MYO5B: variants seen among roughly 807,000 people sequenced by gnomAD.
The protein encoded by MYO5B is unconventional myosin-Vb.
A neutral mutation model predicts 229.3 loss-of-function variants in MYO5B; 143 were observed. The observed-to-expected ratio is 0.62, with a 90% confidence interval of 0.54 to 0.72. MYO5B has a LOEUF of 0.72. Ranked by LOEUF, MYO5B falls within the 30% of genes least tolerant of loss-of-function variation. The pLI is 0.00. For synonymous variants in MYO5B, 918 were observed against 885.2 expected (o/e 1.04, Z -0.66); for missense variants, 2,321 against 2,331.0 (o/e 1.00, Z 0.09).
At chr18:50,035,538 A>G (rs796120713) in intron 4 of MYO5B, among the ~76,000 whole-genome samples, 4 of 152,300 alleles carry the variant, frequency 2.6e-5, no homozygotes, top group African/African-American at 7.2e-5. Flanking sequence ...GCGGCCTCCA[A>G]CAGAAACTCA....
At chr18:50,176,481 A>G (rs556910773) in intron 1 of MYO5B, among the ~76,000 whole-genome samples, 1 of 152,308 alleles carries the variant, frequency 6.6e-6, no homozygotes, top group East Asian at 1.9e-4. Context: ...TGCATCCATG[A>G]GCCAGATGTA....
At chr18:49,856,944 C>T in intron 29 of MYO5B, 54 bp from the exon 30 acceptor site, 1 of 1,467,044 alleles carries the variant, frequency 6.8e-7, no homozygotes. Context: ...AAGAGACAGG[C>T]AGGCAGGGAG....
At chr18:49,891,234 G>A (rs1435367255) in intron 22 of MYO5B, among the ~76,000 whole-genome samples, 7 of 152,020 alleles carry the variant, frequency 4.6e-5, no homozygotes, top group Non-Finnish European at 7.4e-5. Context: ...TCCCCAAATC[G>A]CCTTGGCTTA....
In MYO5B at chr18:49,841,428, C is replaced by T. The variant is rs748616963; in HGVS notation, c.4638G>A (p.Thr1546=). 9.0e-5 allele frequency: 146 copies of T among 1,614,058 alleles called. No individual in the cohort carries two copies. The highest frequency in any genetic ancestry group is 2.0e-4 in the East Asian group (9 of 44,902). ...LKKHNDDFEM[T]SFWLSNTCRL... is the part of the protein sequence containing the mutation. ...GGCAGGTGTTGGATAACCAGAATGACGTCATCTCAAAGTCATCATTGTGCT... is the reference window on the plus strand; with the variant it reads ...GGCAGGTGTTGGATAACCAGAATGATGTCATCTCAAAGTCATCATTGTGCT... The change falls in exon 35 of 40, where the codon ACG becomes ACA. Residue 1546 remains threonine (T), a synonymous_variant. Coordinates refer to ENST00000285039, the MANE Select transcript of MYO5B (RefSeq NM_001080467.3).
chr18:49,981,840 T>C (rs969939528), intron 8 of MYO5B, among the ~76,000 whole-genome samples: 5 of 152,308 alleles, frequency 3.3e-5, no homozygotes, highest in Admixed American at 6.5e-5. Flanking sequence ...TGGTTCAGCA[T>C]AACTGAATAC....
At position 49,953,278 on chromosome 18, in the gene MYO5B, A is replaced by G; in HGVS notation, c.1734T>C (p.Asn578=). 1.2e-6 allele frequency: 2 copies of G among 1,614,146 alleles called. No individual in the cohort carries two copies. Among genetic ancestry groups the G allele is most frequent in the East Asian group, 4.5e-5 (2 of 44,876 alleles). ...TCTTTACCTTGCTGGCCTTCAGGAT[A>G]TTGATCTGCTCTTCATACACCGTGT... is the stretch of plus-strand genomic sequence containing the variant. The part of the protein sequence containing the change: ...NRDTVYEEQI[N]ILKASKFPLV... Residue 578 remains asparagine (N), a synonymous_variant, in exon 14 of 40, where the codon AAT becomes AAC. Transcript: ENST00000285039.
chr18:49,962,426 C>T lies in MYO5B; in HGVS notation c.1405-20G>A, dbSNP rs1331099580. The T allele has an allele frequency of 1.2e-6, 2 of 1,614,098 alleles. No homozygotes were observed. Among genetic ancestry groups the T allele is most frequent in the Admixed American group, 3.3e-5 (2 of 60,018 alleles). On this transcript the variant is annotated intron_variant, in intron 11 of 39. Transcript: ENST00000285039. ...AACATGCTAGGGCAAGTAAAAAGGT[C>T]ACACGAGTGAACTGCAGGCACACCT...
intron 29 of MYO5B, among the ~76,000 whole-genome samples, chr18:49,857,609 CT>C (rs896651200): frequency 6.6e-6 from 1 of 152,216 alleles, no homozygotes; most frequent in East Asian, 1.9e-4. Flanking sequence ...TGAATGATGT[CT>C]CCCCTTGACC....
At chr18:50,188,209 CCT>C (rs2033175983) in intron 1 of MYO5B, among the ~76,000 whole-genome samples, 1 of 152,146 alleles carries the variant, frequency 6.6e-6, no homozygotes, top group Admixed American at 6.5e-5. Context: ...CTCACTCTCC[CCT>C]GTCTCCTCCT....
intron 1 of MYO5B, among the ~76,000 whole-genome samples, chr18:50,089,947 T>TG (rs1341933992): frequency 2.0e-5 from 3 of 152,166 alleles, no homozygotes; most frequent in African/African-American, 4.8e-5. Context: ...GCTACATGAA[T>TG]GACATACCTG....
At chr18:50,089,877 T>C (rs1459211037) in intron 1 of MYO5B, among the ~76,000 whole-genome samples, 2 of 152,016 alleles carry the variant, frequency 1.3e-5, no homozygotes, top group African/African-American at 2.4e-5. Context: ...GTGTAGAACA[T>C]CATGGCACCC....
At chr18:50,105,328 C>T (rs2031738074) in intron 1 of MYO5B, among the ~76,000 whole-genome samples, 1 of 152,068 alleles carries the variant, frequency 6.6e-6, no homozygotes, top group African/African-American at 2.4e-5. Flanking sequence ...GAGGGCTCCC[C>T]TTTATGTTGT....
chr18:50,136,673 T>A (rs56038106), intron 1 of MYO5B, among the ~76,000 whole-genome samples: 6,137 of 152,260 alleles, frequency 0.04, 150 homozygotes, highest in Non-Finnish European at 0.055. Flanking sequence ...GATCTTAGGG[T>A]CTAAGGCATC....
intron 1 of MYO5B, among the ~76,000 whole-genome samples, chr18:50,134,396 G>C (rs964313530): frequency 2.6e-5 from 4 of 151,686 alleles, no homozygotes; most frequent in African/African-American, 9.7e-5. Flanking sequence ...TCTACTAAAA[G>C]TGCAAAAACT....
chr18:49,927,435 AAAAAC>A (rs763156482), intron 17 of MYO5B, among the ~76,000 whole-genome samples: 7 of 139,334 alleles, frequency 5.0e-5, no homozygotes, highest in South Asian at 2.1e-4. Context: ...GCAAAAACAA[AAAAAC>A]AAAACAAAAC....
At chr18:49,941,794 C>T in intron 14 of MYO5B, among the ~76,000 whole-genome samples, 1 of 135,790 alleles carries the variant, frequency 7.4e-6, no homozygotes, top group South Asian at 2.4e-4. Flanking sequence ...ATCAAGCTAC[C>T]AATGACTTTC....
chr18:49,946,160 C>A (rs1039679037), intron 14 of MYO5B: 2 of 151,624 alleles, frequency 1.3e-5, no homozygotes, highest in Admixed American at 6.6e-5. Context: ...TTAACAGGTA[C>A]AGATTGAGTA....
At chr18:49,855,399 G>T (rs685591) in intron 30 of MYO5B, among the ~76,000 whole-genome samples, 1 of 152,142 alleles carries the variant, frequency 6.6e-6, no homozygotes, top group Non-Finnish European at 1.5e-5. Flanking sequence ...TGATTCATAG[G>T]TCTGTGCTTT....
chr18:50,061,506 T>C (rs1214612232), intron 1 of MYO5B, among the ~76,000 whole-genome samples: 4 of 152,112 alleles, frequency 2.6e-5, no homozygotes, highest in East Asian at 3.9e-4. Context: ...TCATAATACA[T>C]AGGTAGCCAC....
Sources: gnomAD v4.1 joint callset for allele counts (sites outside exome capture counted in the v4.1 genomes callset) on GRCh38, gnomAD v4.1.1 for gene constraint, MANE v1.5 for transcripts, NCBI Gene and HGNC (gene_info 2026-07-23, HGNC 2026-07-21) for gene names.